Variants in PPP2R3A observed in about 807,000 individuals in gnomAD.
The protein encoded by PPP2R3A is protein phosphatase 2 regulatory subunit B''alpha, also known as serine/threonine-protein phosphatase 2A regulatory subunit B'' subunit alpha.
In PPP2R3A, 80 loss-of-function variants were observed where a neutral mutation model predicts 106.9. That is an observed-to-expected ratio of 0.75 (90% CI 0.62 to 0.90). PPP2R3A has a LOEUF of 0.90. Ranked by LOEUF, PPP2R3A falls within the 40% of genes least tolerant of loss-of-function variation. PPP2R3A has a pLI of 0.00. For missense variants in PPP2R3A, 1,386 were observed against 1,350.4 expected (o/e 1.03, Z -0.41); for synonymous variants, 483 against 468.3 (o/e 1.03, Z -0.41).
chr3:136,005,226 A>G (rs764236329), intron 2 of PPP2R3A, among the ~76,000 whole-genome samples: 5 of 152,178 alleles, frequency 3.3e-5, no homozygotes, highest in Non-Finnish European at 5.9e-5. Flanking sequence ...TATATATGAA[A>G]CAAATAAATT....
chr3:136,093,830 CTG>C (rs1937154418), intron 10 of PPP2R3A, among the ~76,000 whole-genome samples: 1 of 152,198 alleles, frequency 6.6e-6, no homozygotes, highest in Non-Finnish European at 1.5e-5. Flanking sequence ...ACAGAAAAGT[CTG>C]ACATTTCCTC....
chr3:136,082,113 A>C, intron 7 of PPP2R3A, 152 bp from the exon 8 acceptor site: 1 of 594,420 alleles, frequency 1.7e-6, no homozygotes, highest in Non-Finnish European at 2.9e-6. Flanking sequence ...TGGTTGATTA[A>C]AGGTAGGATG....
intron 2 of PPP2R3A, among the ~76,000 whole-genome samples, chr3:136,025,867 T>C (rs1034636838): frequency 7.2e-5 from 11 of 152,102 alleles, no homozygotes; most frequent in Admixed American, 2.0e-4. Flanking sequence ...GAGTGGAAAT[T>C]AGAACTATGA....
chr3:136,070,029 C>T (rs751983280), intron 5 of PPP2R3A, among the ~76,000 whole-genome samples: 1 of 152,162 alleles, frequency 6.6e-6, no homozygotes, highest in African/African-American at 2.4e-5. Flanking sequence ...GACTACATGG[C>T]TGCTTTTTTT....
At chr3:136,003,621 G>C in intron 2 of PPP2R3A, 128 bp downstream of exon 2, 1 of 740,390 alleles carries the variant, frequency 1.4e-6, no homozygotes, top group Non-Finnish European at 2.1e-6. Context: ...CACTAGGAAT[G>C]ATCTCACTCA....
At chr3:136,074,560 T>C (rs1936538492) in intron 6 of PPP2R3A, among the ~76,000 whole-genome samples, 1 of 152,252 alleles carries the variant, frequency 6.6e-6, no homozygotes, top group Non-Finnish European at 1.5e-5. Flanking sequence ...AACCAACATA[T>C]GCCAACTTTT....
At position 136,098,357 on chromosome 3, in the gene PPP2R3A, A is replaced by G. The variant is rs574384914; in HGVS notation, c.2928-3650A>G. 1.5e-3 allele frequency among the ~76,000 whole-genome samples: 229 copies of G among 152,292 alleles called. 3 individuals are homozygous for G. Among genetic ancestry groups the G allele is most frequent in the African/African-American group, 4.9e-3 (203 of 41,546 alleles). On this transcript the variant is annotated intron_variant, in intron 10 of 13. Coordinates refer to ENST00000264977, the MANE Select transcript of PPP2R3A (RefSeq NM_002718.5). ...AAACTTTTCAAGTATTACATGTTCA[A>G]TTTTTTGCAATAATGTAAACTATAT...
At chr3:136,084,892 A>G (rs974466301) in intron 8 of PPP2R3A, among the ~76,000 whole-genome samples, 2 of 152,222 alleles carry the variant, frequency 1.3e-5, no homozygotes, top group African/African-American at 4.8e-5. Flanking sequence ...TATTTACCCA[A>G]TGCCTGTATC....
chr3:136,094,624 T>C (rs1248344217), intron 10 of PPP2R3A, among the ~76,000 whole-genome samples: 1 of 152,192 alleles, frequency 6.6e-6, no homozygotes, highest in Non-Finnish European at 1.5e-5. Context: ...TATGGTGACC[T>C]CAATGAAATG....
intron 2 of PPP2R3A, among the ~76,000 whole-genome samples, chr3:136,016,324 A>G (rs1934266317): frequency 6.6e-6 from 1 of 152,048 alleles, no homozygotes; most frequent in Admixed American, 6.6e-5. Context: ...ATAAGTATCC[A>G]TTTAGTCCAT....
chr3:136,091,540 G>C (rs1051583152), intron 10 of PPP2R3A, among the ~76,000 whole-genome samples: 1 of 152,040 alleles, frequency 6.6e-6, no homozygotes. Context: ...TCACTTGAGG[G>C]CAGGAGTTTG....
At chr3:136,032,045 T>C (rs1559878936) in intron 3 of PPP2R3A, among the ~76,000 whole-genome samples, 1 of 152,154 alleles carries the variant, frequency 6.6e-6, no homozygotes, top group Non-Finnish European at 1.5e-5. Flanking sequence ...GTGAAAAATG[T>C]TGATGGTATT....
intron 2 of PPP2R3A, among the ~76,000 whole-genome samples, chr3:136,007,137 C>G (rs995661787): frequency 6.6e-6 from 1 of 152,066 alleles, no homozygotes; most frequent in Non-Finnish European, 1.5e-5. Context: ...CAAATGTATC[C>G]GAGGTAAAAA....
At chr3:136,136,009 G>A (rs1480379997) in intron 13 of PPP2R3A, among the ~76,000 whole-genome samples, 2 of 126,774 alleles carry the variant, frequency 1.6e-5, no homozygotes, top group African/African-American at 3.2e-5. Context: ...TCATGCCATT[G>A]CACTCCAGCC....
At chr3:136,022,856 G>A in intron 2 of PPP2R3A, 1 of 1,342,174 alleles carries the variant, frequency 7.5e-7, no homozygotes, top group Non-Finnish European at 9.5e-7. Flanking sequence ...GCAGGTATTG[G>A]GAGCCACAGA....
chr3:136,064,030 A>G, intron 5 of PPP2R3A, among the ~76,000 whole-genome samples: 1 of 151,828 alleles, frequency 6.6e-6, no homozygotes, highest in East Asian at 1.9e-4. Context: ...ATGTCCAGCA[A>G]CGATAGACTG....
intron 13 of PPP2R3A, among the ~76,000 whole-genome samples, chr3:136,123,878 A>C (rs1266438453): frequency 6.6e-6 from 1 of 152,274 alleles, no homozygotes; most frequent in African/African-American, 2.4e-5. Flanking sequence ...AAGACTTAAT[A>C]GTCAACACAT....
chr3:136,131,157 A>G (rs1308669110), intron 13 of PPP2R3A, among the ~76,000 whole-genome samples: 4 of 152,234 alleles, frequency 2.6e-5, no homozygotes, highest in African/African-American at 4.8e-5. Flanking sequence ...AAAATTGACA[A>G]ATGGGATCTA....
chr3:136,036,780 C>G (rs1030158556), intron 3 of PPP2R3A, among the ~76,000 whole-genome samples: 2 of 152,202 alleles, frequency 1.3e-5, no homozygotes, highest in South Asian at 4.1e-4. Context: ...GTCCTGCCTC[C>G]CGTCCACCAT....
Sources: allele counts gnomAD v4.1 joint callset (sites outside exome capture counted in the v4.1 genomes callset), GRCh38; gene constraint gnomAD v4.1.1; transcripts MANE v1.5; gene names NCBI Gene and HGNC (gene_info 2026-07-23, HGNC 2026-07-21).